The following ADGRE5 variants were observed in gnomAD, a reference collection of about 807,000 sequenced individuals.
ADGRE5 encodes adhesion G protein-coupled receptor E5.
In ADGRE5, 72 loss-of-function variants were observed where a neutral mutation model predicts 100.3. The ratio of observed to expected loss-of-function variants is 0.72; its 90% CI spans 0.59 to 0.87. The LOEUF (loss-of-function observed/expected upper bound fraction) is 0.87. ADGRE5 is among the 40% of genes least tolerant of loss of function. The probability of loss-of-function intolerance (pLI) is 0.00; values close to 1 mark genes in which losing one functional copy is unlikely to be tolerated. For missense variants in ADGRE5, 959 were observed against 1,094.7 expected (o/e 0.88, Z 1.75); for synonymous variants, 439 against 447.8 (o/e 0.98, Z 0.25).
rs1976382732 is a variant in ADGRE5 at position 14,408,474 on chromosome 19, T to C, written c.*353T>C. 2.0e-6 allele frequency: 1 copy of C among 512,622 alleles called. No homozygotes were observed. The highest frequency in any genetic ancestry group is 2.5e-5 in the South Asian group (1 of 40,798). The allele number at this position is 512,622 out of a possible 1,614,324, so 31.8% of individuals were successfully genotyped here. A position where few individuals can be genotyped will look rare whatever the true frequency, so the allele number is the denominator to read the frequency against. On this transcript the variant is annotated 3_prime_UTR_variant, in exon 20 of 20. Coordinates refer to ENST00000242786, the MANE Select transcript of ADGRE5 (RefSeq NM_078481.4). Reference sequence around the variant, plus strand: ...GTCCCATCCTGGACTTTTCCTCTCATGTCTTTGCTGCAGAACTGAAGAGAC... The same window carrying C: ...GTCCCATCCTGGACTTTTCCTCTCACGTCTTTGCTGCAGAACTGAAGAGAC...
chr19:14,391,316 G>A lies in ADGRE5; in HGVS notation c.346+237G>A, dbSNP rs557877696. The A allele has an allele frequency of 3.9e-5, 22 of 570,972 alleles. 1 individual carries two copies. The highest frequency in any genetic ancestry group is 3.5e-4 in the East Asian group (12 of 34,484). The allele number at this position is 570,972 out of a possible 1,614,324, so 35.4% of individuals were successfully genotyped here. On this transcript the variant is annotated intron_variant, in intron 4 of 19. Coordinates refer to ENST00000242786, the MANE Select transcript of ADGRE5 (RefSeq NM_078481.4). ...AAATCCTGATAACCAAGTGTATGACGTTGGCCAGGATACTTATTCAGAAAC... is the reference window on the plus strand; with the variant it reads ...AAATCCTGATAACCAAGTGTATGACATTGGCCAGGATACTTATTCAGAAAC...
In ADGRE5 at chr19:14,391,280, C is replaced by G. The variant is rs575289292; in HGVS notation, c.346+201C>G. ...GATTAAGGGCTGACTCTGGGACCAG[C>G]TGCCTGGGCCAAATCCTGATAACCA... On this transcript the variant is annotated intron_variant, in intron 4 of 19. Transcript: ENST00000242786. The G allele has an allele frequency of 2.6e-4, 172 of 651,430 alleles. No individual in the cohort carries two copies. In the African/African-American group the frequency reaches 2.9e-3, roughly 11 times the overall value. 40.4% of individuals were successfully genotyped at this position (651,430 alleles called of 1,614,324 possible).
At chr19:14,396,514 T>C in intron 5 of ADGRE5, 41 bp downstream of exon 5, 1 of 1,613,164 alleles carries the variant, frequency 6.2e-7, no homozygotes, top group South Asian at 1.1e-5. Flanking sequence ...GGACGGGAGC[T>C]GGGGATGGAG....
At chr19:14,395,992 C>T (rs1312728050) in intron 4 of ADGRE5, among the ~76,000 whole-genome samples, 1 of 152,246 alleles carries the variant, frequency 6.6e-6, no homozygotes. Context: ...GGAACCAAGA[C>T]GTGTCCTGCC....
At chr19:14,403,301 C>G (rs147013936) in intron 12 of ADGRE5, among the ~76,000 whole-genome samples, 117 of 152,162 alleles carry the variant, frequency 7.7e-4, no homozygotes, top group African/African-American at 2.7e-3. Context: ...CTTGGCCTCT[C>G]AAAGTACTGC....
chr19:14,382,982 C>T (rs1175194179), intron 1 of ADGRE5, among the ~76,000 whole-genome samples: 1 of 151,928 alleles, frequency 6.6e-6, no homozygotes, highest in Non-Finnish European at 1.5e-5. Flanking sequence ...GTGATTCACC[C>T]GCCTCCGCCT....
At chr19:14,388,356 G>T in intron 1 of ADGRE5, 94 bp from the exon 2 acceptor site, 1 of 1,522,086 alleles carries the variant, frequency 6.6e-7, no homozygotes, top group Non-Finnish European at 8.9e-7. Context: ...AGCCTGAGAG[G>T]GGTCAGCATC....
chr19:14,407,638 C>CAAAAA (rs566106681), intron 18 of ADGRE5, among the ~76,000 whole-genome samples: 8 of 84,642 alleles, frequency 9.5e-5, no homozygotes, highest in African/African-American at 3.6e-4. Flanking sequence ...GACTTGTCTC[C>CAAAAA]AAAAAAAAAA....
chr19:14,398,842 G>A (rs564817744), intron 9 of ADGRE5, among the ~76,000 whole-genome samples: 10 of 143,060 alleles, frequency 7.0e-5, no homozygotes, highest in East Asian at 2.0e-4. Flanking sequence ...GTTTGTTTGC[G>A]TTTTTTTTTT....
At position 14,397,241 on chromosome 19, in the gene ADGRE5, C is replaced by T. The variant is rs1381346391; in HGVS notation, c.625+18C>T. The stretch of plus-strand genomic sequence containing the variant: ...CTGTGAAGGTCGAGAGCTCAGATCC[C>T]ACGTTTCTAGCGACCCACAAACATC... On this transcript the variant is annotated intron_variant, in intron 6 of 19. Transcript: ENST00000242786. The T allele has an allele frequency of 6.2e-7, 1 of 1,613,930 alleles. No homozygotes were observed. The highest frequency in any genetic ancestry group is 1.1e-5 in the South Asian group (1 of 91,074).
rs1419685616 is a variant in ADGRE5, at chr19:14,401,323, A to T, written c.898-63A>T. 1 of 1,467,176 alleles carries T rather than the reference A, an allele frequency of 6.8e-7. No individual in the cohort carries two copies. The highest frequency in any genetic ancestry group is 2.4e-5 in the East Asian group (1 of 42,518). The allele number at this position is 1,467,176 out of a possible 1,614,324, so 90.9% of individuals were successfully genotyped here. On this transcript the variant is annotated intron_variant, in intron 9 of 19. Transcript: ENST00000242786. This position sits in a 1 kb window ranked among gnomAD's most constrained non-coding sequence, Gnocchi z 4.1. ...TGTCCCCTGGTAGGGGGTGACATCC[A>T]GGTCCTTCAGGCAACCCCTGTGGTC...
At position 14,400,960 on chromosome 19, in the gene ADGRE5, A is replaced by C. The variant is rs377242536; in HGVS notation, c.898-426A>C. 8.9e-4 allele frequency among the ~76,000 whole-genome samples: 136 copies of C among 152,244 alleles called. 1 individual carries two copies. The highest frequency in any genetic ancestry group is 2.9e-3 in the African/African-American group (120 of 41,548). ...AACTCCATCTCAAAACAAAACAAAA[A>C]AAAAATTACAAAAATTAGCCGGGTG... On this transcript the variant is annotated intron_variant, in intron 9 of 19. Transcript: ENST00000242786.
At position 14,405,840 on chromosome 19, in the gene ADGRE5, C is replaced by A; in HGVS notation, c.1722C>A (p.Pro574=). 1 of 1,613,534 alleles carries A rather than the reference C, an allele frequency of 6.2e-7. No individual in the cohort carries two copies. ...TCCTCACTTTCCTGCTGGTGCGGCC[C>A]ATCCAGGGCTCGCGCACCACCATAC... ...LCILTFLLVR[P]IQGSRTTIHL... Residue 574 remains proline (P), a synonymous_variant, in exon 14 of 20, where the codon CCC becomes CCA. Transcript: ENST00000242786.
chr19:14,401,820 G>A lies in ADGRE5; in HGVS notation c.1183+60G>A, dbSNP rs1976025136. On this transcript the variant is annotated intron_variant, in intron 11 of 19. Transcript: ENST00000242786. This position sits in a 1 kb window ranked among gnomAD's most constrained non-coding sequence, Gnocchi z 4.1. ...AGAGAGATGGAGGTGCTGGGATGGG[G>A]CCAGGGTGAGGTTCAGAATAGAACA... is the stretch of plus-strand genomic sequence containing the variant. 4.2e-6 allele frequency: 5 copies of A among 1,197,626 alleles called. No homozygotes were observed. Among genetic ancestry groups the A allele is most frequent in the Admixed American group, 2.6e-5 (1 of 37,910 alleles). 74.2% of individuals were successfully genotyped at this position (1,197,626 alleles called of 1,614,324 possible). A position where few individuals can be genotyped will look rare whatever the true frequency, so the allele number is the denominator to read the frequency against.
chr19:14,401,931 G>C lies in ADGRE5; in HGVS notation c.1183+171G>C, dbSNP rs541871046. Among the ~76,000 whole-genome samples, 2 of 152,244 alleles carry C rather than the reference G, an allele frequency of 1.3e-5. No homozygotes were observed. The highest frequency in any genetic ancestry group is 2.4e-5 in the African/African-American group (1 of 41,542). On this transcript the variant is annotated intron_variant, in intron 11 of 19. Coordinates refer to ENST00000242786, the MANE Select transcript of ADGRE5 (RefSeq NM_078481.4). The surrounding 1 kb of genome is among the most constrained non-coding windows in gnomAD (Gnocchi z 4.1). ...AGATCGCTTGAGCTCAGAAGTTCAA[G>C]ACCAGCCTGGGCAACATGGTGAAAC...
At position 14,398,094 on chromosome 19, in the gene ADGRE5, C is replaced by G; in HGVS notation, c.852C>G (p.Asp284Glu). The G allele has an allele frequency of 6.2e-7, 1 of 1,614,120 alleles. No homozygotes were observed. Among genetic ancestry groups the G allele is most frequent in the Non-Finnish European group, 8.5e-7 (1 of 1,180,036 alleles). Residue 284 changes from aspartate (D) to glutamate (E), a missense_variant, in exon 9 of 20, where the codon GAC (aspartate) becomes GAG (glutamate). By Grantham distance (45) the Asp-to-Glu change is conservative (BLOSUM62 2). Coordinates refer to ENST00000242786, the MANE Select transcript of ADGRE5 (RefSeq NM_078481.4). Reference protein sequence around the residue: ...TLSRFFDKVQDLGRDSKTSSA... With the variant: ...TLSRFFDKVQELGRDSKTSSA... The stretch of plus-strand genomic sequence containing the variant: ...CCCGATTCTTCGACAAAGTCCAGGA[C>G]CTGGGCAGAGACTCCAAGACAAGCT...
At position 14,407,917 on chromosome 19, in the gene ADGRE5, G is replaced by T; in HGVS notation, c.2386G>T (p.Glu796Ter). 4 of 1,614,060 alleles carry T rather than the reference G, an allele frequency of 2.5e-6. No individual in the cohort carries two copies. The highest frequency in any genetic ancestry group is 1.7e-5 in the Admixed American group (1 of 60,024). ...GTGTCTGGGCCGGCAGGTTCGGGAA[G>T]AATACCGGAAGTGGGCCTGCCTAGT... ...HCLLNKKVRE[E>*]YRKWACLVAG... The change falls in exon 19 of 20, where the codon GAA becomes TAA. Residue 796 changes from glutamate (E) to a stop codon, truncating the protein, a stop_gained. Transcript: ENST00000242786. LOFTEE classifies it high-confidence loss of function.
chr19:14,391,851 A>G (rs568913993), intron 4 of ADGRE5, among the ~76,000 whole-genome samples: 1 of 152,002 alleles, frequency 6.6e-6, no homozygotes, highest in South Asian at 2.1e-4. Context: ...TAATCCCAAC[A>G]CTTTGGGAGG....
At chr19:14,384,825 C>T (rs1004540845) in intron 1 of ADGRE5, among the ~76,000 whole-genome samples, 2 of 151,686 alleles carry the variant, frequency 1.3e-5, no homozygotes, top group African/African-American at 4.8e-5. Flanking sequence ...CTCTATCTCT[C>T]CGTGTCTCTG....
Sources: allele counts gnomAD v4.1 joint callset (sites outside exome capture counted in the v4.1 genomes callset), GRCh38; gene constraint gnomAD v4.1.1; non-coding constraint Gnocchi (gnomAD v3.1); transcripts MANE v1.5; gene names NCBI Gene and HGNC (gene_info 2026-07-23, HGNC 2026-07-21).